Variants in TMEM33 observed in about 807,000 individuals in gnomAD.
TMEM33 encodes the protein transmembrane protein 33.
In TMEM33, 16 loss-of-function variants were observed where a neutral mutation model predicts 29.7. That is an observed-to-expected ratio of 0.54 (90% CI 0.36 to 0.82). The LOEUF (loss-of-function observed/expected upper bound fraction) is 0.82. Among genes scored for constraint, TMEM33 ranks in the 40% least tolerant of loss-of-function variants. The pLI, the probability that TMEM33 is intolerant of heterozygous loss-of-function variation, is 0.00. For missense variants in TMEM33, 252 were observed against 295.3 expected, an observed-to-expected ratio of 0.85 and a Z score of 1.08; for synonymous variants, 112 against 109.4, an observed-to-expected ratio of 1.02 and a Z score of -0.15.
Position 41,958,393 on chromosome 4 carries a change from G to A in TMEM33, c.*4194G>A, listed in dbSNP as rs1713349629. ...AAAACAGTAAAATAGGCCACAATTT[G>A]GAGTGACACCATTCAGATCAAGGTC... is the stretch of plus-strand genomic sequence containing the variant. On this transcript the variant is annotated 3_prime_UTR_variant, in exon 7 of 7. Transcript: ENST00000504986. The A allele has an allele frequency of 6.6e-6, 1 of 152,110 alleles. No individual in the cohort carries two copies. The highest frequency in any genetic ancestry group is 1.9e-4 in the East Asian group (1 of 5,194). 9.4% of individuals were successfully genotyped at this position (152,110 alleles called of 1,614,324 possible).
In TMEM33 at chr4:41,958,071, T is replaced by C. The variant is rs955884434; in HGVS notation, c.*3872T>C. ...TCTTGTTGGCCAGGCTGGAGTGCAATGGCGCCATCTCAGCTCACTGCAACC... is the reference window on the plus strand; with the variant it reads ...TCTTGTTGGCCAGGCTGGAGTGCAACGGCGCCATCTCAGCTCACTGCAACC... On this transcript the variant is annotated 3_prime_UTR_variant, in exon 7 of 7. Transcript: ENST00000504986. 1 of 152,454 alleles carries C rather than the reference T, an allele frequency of 6.6e-6. No homozygotes were observed. The highest frequency in any genetic ancestry group is 1.5e-5 in the Non-Finnish European group (1 of 68,330). 9.4% of individuals were successfully genotyped at this position (152,454 alleles called of 1,614,324 possible).
chr4:41,941,359 C>T lies in TMEM33; in HGVS notation c.328+1976C>T, dbSNP rs563809507. Among the ~76,000 whole-genome samples, 5 of 152,242 alleles carry T rather than the reference C, an allele frequency of 3.3e-5. No individual in the cohort carries two copies. The South Asian group carries it at 8.3e-4, about 25-fold the overall frequency. On this transcript the variant is annotated intron_variant, in intron 3 of 6. Coordinates refer to ENST00000504986, the MANE Select transcript of TMEM33 (RefSeq NM_018126.3). The stretch of plus-strand genomic sequence containing the variant: ...AAATTCTAGCCTTTCTGAGCTATAA[C>T]GGGAAGTTATGTAGAGATTTTTGGT...
intron 6 of TMEM33, among the ~76,000 whole-genome samples, chr4:41,951,594 T>G (rs1713041348): frequency 6.6e-6 from 1 of 152,202 alleles, no homozygotes; most frequent in South Asian, 2.1e-4. Context: ...AAACAGTGAT[T>G]GTATGTTGAT....
rs1464907783 is a variant in TMEM33 at position 41,959,795 on chromosome 4, A to G, written c.*5596A>G. The G allele has an allele frequency of 6.6e-6, 1 of 152,224 alleles. No individual in the cohort carries two copies. The highest frequency in any genetic ancestry group is 1.5e-5 in the Non-Finnish European group (1 of 68,028). The allele number at this position is 152,224 out of a possible 1,614,324, so 9.4% of individuals were successfully genotyped here. On this transcript the variant is annotated 3_prime_UTR_variant, in exon 7 of 7. Transcript: ENST00000504986. ...ATATTGGAACAAATGTAAAAGGGTT[A>G]CAAAGATTAGAAACAGAGTCATAAA...
rs917875903 is a variant in TMEM33 at position 41,959,629 on chromosome 4, C to T, written c.*5430C>T. On this transcript the variant is annotated 3_prime_UTR_variant, in exon 7 of 7. Transcript: ENST00000504986. The stretch of plus-strand genomic sequence containing the variant: ...TAACCTTTTCTTTCTTTGTTCATGA[C>T]AGTTTAATTCCAAATATTTACTATT... 11 of 152,146 alleles carry T rather than the reference C, an allele frequency of 7.2e-5. No homozygotes were observed. The highest frequency in any genetic ancestry group is 2.7e-4 in the African/African-American group (11 of 41,442). 9.4% of individuals were successfully genotyped at this position (152,146 alleles called of 1,614,324 possible). A position where few individuals can be genotyped will look rare whatever the true frequency, so the allele number is the denominator to read the frequency against.
In TMEM33 at chr4:41,955,685, G is replaced by GTAT. The variant is rs1713233589; in HGVS notation, c.*1486_*1487insTAT. ...TTTTGTAATATTTGTCCACTAAGCT[G>GTAT]GAGAAGCAGCCTCATACAGTTGATT... On this transcript the variant is annotated 3_prime_UTR_variant, in exon 7 of 7. Coordinates refer to ENST00000504986, the MANE Select transcript of TMEM33 (RefSeq NM_018126.3). 6.6e-6 allele frequency: 1 copy of GTAT among 152,592 alleles called. No homozygotes were observed. The highest frequency in any genetic ancestry group is 1.5e-5 in the Non-Finnish European group (1 of 68,020). 9.5% of individuals were successfully genotyped at this position (152,592 alleles called of 1,614,324 possible). A position where few individuals can be genotyped will look rare whatever the true frequency, so the allele number is the denominator to read the frequency against.
Position 41,954,191 on chromosome 4 carries a change from G to A in TMEM33, c.736G>A (p.Val246Ile). The A allele has an allele frequency of 6.2e-7, 1 of 1,613,674 alleles. No individual in the cohort carries two copies. Among genetic ancestry groups the A allele is most frequent in the South Asian group, 1.1e-5 (1 of 91,050 alleles). ...CTTTATAAGCAGATTGGCACCAACA[G>A]TTCCATAGTTTAACATCTAGTTAAG... ...IAFISRLAPT[V>I]P Residue 246 changes from valine (V) to isoleucine (I), a missense_variant, in exon 7 of 7, where the codon GTT becomes ATT. By Grantham distance (29) the Val-to-Ile change is conservative. Coordinates refer to ENST00000504986, the MANE Select transcript of TMEM33 (RefSeq NM_018126.3).
Position 41,938,583 on chromosome 4 carries a change from T to G in TMEM33, c.46-19T>G. On this transcript the variant is annotated intron_variant, in intron 1 of 6. Transcript: ENST00000504986. ...TGATTTGCAGGCATAGCTTACAGTATTTTTCTTTTTAAATTTAGCAATTCA... is the reference window on the plus strand; with the variant it reads ...TGATTTGCAGGCATAGCTTACAGTAGTTTTCTTTTTAAATTTAGCAATTCA... 6.2e-7 allele frequency: 1 copy of G among 1,609,306 alleles called. No individual in the cohort carries two copies. The highest frequency in any genetic ancestry group is 2.2e-5 in the East Asian group (1 of 44,836).
intron 5 of TMEM33, among the ~76,000 whole-genome samples, chr4:41,947,969 A>G (rs1001066590): frequency 6.6e-6 from 1 of 152,178 alleles, no homozygotes; most frequent in Admixed American, 6.5e-5. Context: ...TTGTTACATA[A>G]TAGTCCAAGC....
At chr4:41,935,346 T>G, upstream of TMEM33, 1 of 922,150 alleles carries the variant, frequency 1.1e-6, no homozygotes, top group Non-Finnish European at 1.7e-6. Context: ...GGCTCAGAGT[T>G]CCGGCAGGGT....
chr4:41,944,190 A>G (rs1712680023), intron 4 of TMEM33: 1 of 187,140 alleles, frequency 5.3e-6, no homozygotes, highest in African/African-American at 2.4e-5. Context: ...TCTCTTGTAC[A>G]CTAATTTTCA....
At chr4:41,937,936 G>A (rs1369953266) in intron 1 of TMEM33, among the ~76,000 whole-genome samples, 3 of 152,140 alleles carry the variant, frequency 2.0e-5, no homozygotes, top group African/African-American at 7.2e-5. Context: ...GAACATGGAG[G>A]TGATAAAGAG....
intron 3 of TMEM33, among the ~76,000 whole-genome samples, chr4:41,941,167 A>G (rs1712524986): frequency 1.3e-5 from 2 of 152,334 alleles, no homozygotes; most frequent in South Asian, 2.1e-4. Context: ...TCCTGTTTCA[A>G]TGCATGAGTC....
intron 6 of TMEM33, among the ~76,000 whole-genome samples, chr4:41,953,371 G>A (rs1254096651): frequency 6.6e-6 from 1 of 152,232 alleles, no homozygotes; most frequent in Non-Finnish European, 1.5e-5. Context: ...ACACTCTACT[G>A]TAGTCTGCTA....
chr4:41,955,240 T>C lies in TMEM33; in HGVS notation c.*1041T>C, dbSNP rs1387824066. The stretch of plus-strand genomic sequence containing the variant: ...AAGGTTTTATAGGTAAGGTAATTGA[T>C]TGGGAATGGGGTAGGGGGAGGAGTT... On this transcript the variant is annotated 3_prime_UTR_variant, in exon 7 of 7. Coordinates refer to ENST00000504986, the MANE Select transcript of TMEM33 (RefSeq NM_018126.3). 1.0e-4 allele frequency: 16 copies of C among 152,410 alleles called. No individual in the cohort carries two copies. The highest frequency in any genetic ancestry group is 1.5e-5 in the Non-Finnish European group (1 of 67,996). The allele number at this position is 152,410 out of a possible 1,614,324, so 9.4% of individuals were successfully genotyped here. A position where few individuals can be genotyped will look rare whatever the true frequency, so the allele number is the denominator to read the frequency against.
At chr4:41,936,394 T>C (rs1290184514) in intron 1 of TMEM33, among the ~76,000 whole-genome samples, 1 of 151,926 alleles carries the variant, frequency 6.6e-6, no homozygotes, top group African/African-American at 2.4e-5. Flanking sequence ...TCAAAGAAAT[T>C]AGGCGGGGCG....
intron 5 of TMEM33, among the ~76,000 whole-genome samples, chr4:41,948,811 A>G (rs981355771): frequency 1.3e-5 from 2 of 152,090 alleles, no homozygotes; most frequent in Admixed American, 1.3e-4. Flanking sequence ...TCATAAACAT[A>G]TATATAATTC....
At chr4:41,951,826 A>T (rs1713051064) in intron 6 of TMEM33, among the ~76,000 whole-genome samples, 1 of 152,182 alleles carries the variant, frequency 6.6e-6, no homozygotes, top group Non-Finnish European at 1.5e-5. Context: ...AGCATACTTG[A>T]GCTCAGGAAG....
intron 1 of TMEM33, among the ~76,000 whole-genome samples, chr4:41,936,190 A>G (rs996555840): frequency 1.3e-5 from 2 of 152,318 alleles, no homozygotes; most frequent in East Asian, 1.9e-4. Flanking sequence ...TCCATGTGCA[A>G]ATTTCCATAA....
Sources: gnomAD v4.1 joint callset for allele counts (sites outside exome capture counted in the v4.1 genomes callset) on GRCh38, gnomAD v4.1.1 for gene constraint, MANE v1.5 for transcripts, NCBI Gene and HGNC (gene_info 2026-07-23, HGNC 2026-07-21) for gene names.